PCF11: variants seen among roughly 807,000 people sequenced by gnomAD.
PCF11 encodes pre-mRNA cleavage complex 2 protein Pcf11.
In PCF11, 19 loss-of-function variants were observed where a neutral mutation model predicts 166.1. The observed-to-expected ratio is 0.11, with a 90% CI of 0.08 to 0.17. The LOEUF (loss-of-function observed/expected upper bound fraction) is 0.17. Among genes scored for constraint, PCF11 ranks in the 10% least tolerant of loss-of-function variants. PCF11 has a pLI of 1.00. For missense variants in PCF11, 1,565 were observed against 1,855.5 expected (o/e 0.84, Z 2.88); for synonymous variants, 663 against 644.1 (o/e 1.03, Z -0.44).
intron 1 of PCF11, among the ~76,000 whole-genome samples, chr11:83,159,774 CCTTATT>C (rs1860157518): frequency 2.0e-5 from 3 of 152,124 alleles, no homozygotes; most frequent in Admixed American, 2.0e-4. Context: ...ATGTTTGTGT[CCTTATT>C]CTTTAGCTTC....
chr11:83,157,314 T>C (rs1860027000), exon 1 of PCF11: 1 of 788,882 alleles, frequency 1.3e-6, no homozygotes, highest in Non-Finnish European at 2.0e-6. Context: ...CCCTCCGCGG[T>C]CAGCATGTGG....
chr11:83,165,599 G>T lies in PCF11; in HGVS notation c.703-1G>T. 2 of 1,600,548 alleles carry T rather than the reference G, an allele frequency of 1.2e-6. No individual in the cohort carries two copies. Among genetic ancestry groups the T allele is most frequent in the South Asian group, 1.1e-5 (1 of 88,956 alleles). Reference sequence around the variant, plus strand: ...ACATGAACATTTATTTTGTGTTTTAGGCAGTTTCTCTTAGTGTTCAGCAGG... The same window carrying T: ...ACATGAACATTTATTTTGTGTTTTATGCAGTTTCTCTTAGTGTTCAGCAGG... On this transcript the variant is annotated splice_acceptor_variant, in intron 4 of 15. Coordinates refer to ENST00000298281, the Ensembl canonical transcript of PCF11. LOFTEE classifies it high-confidence loss of function.
At chr11:83,184,935 G>A in exon 16 of PCF11, 1 of 1,381,826 alleles carries the variant, frequency 7.2e-7, no homozygotes, top group South Asian at 1.4e-5. Flanking sequence ...TAAAAAAGCT[G>A]CTGTTGGATC....
rs150185044 is a variant in PCF11 at position 83,157,756 on chromosome 11, C to G, written c.192+125C>G. 9.7e-3 allele frequency: 8,342 copies of G among 856,158 alleles called. 63 individuals carry two copies. The highest frequency in any genetic ancestry group is 0.013 in the Non-Finnish European group (6,842 of 538,468). 53.0% of individuals were successfully genotyped at this position (856,158 alleles called of 1,614,324 possible). On this transcript the variant is annotated intron_variant, in intron 1 of 15. Coordinates refer to ENST00000298281, the Ensembl canonical transcript of PCF11. ...TCCTTCTCTCCAACCCCCCCACCCC[C>G]CTCCAACTCAGGCTCGGTCTTTGGC...
chr11:83,163,964 C>G, intron 3 of PCF11, 97 bp downstream of exon 3: 1 of 592,702 alleles, frequency 1.7e-6, no homozygotes, highest in Non-Finnish European at 2.8e-6. Context: ...ATAGAATACT[C>G]GGTAGTGAAT....
chr11:83,183,139 T>G lies in PCF11; in HGVS notation c.4452+66T>G, dbSNP rs1013332981. The stretch of plus-strand genomic sequence containing the variant: ...TAATAAATTTTACTTTTCAGTTTTT[T>G]TTTTGCATCAGAGCAATATTGTTAT... On this transcript the variant is annotated intron_variant, in intron 15 of 15. Transcript: ENST00000298281. The G allele has an allele frequency of 4.3e-6, 4 of 930,858 alleles. No individual in the cohort carries two copies. The South Asian group carries it at 4.7e-5, about 11-fold the overall frequency. The allele number at this position is 930,858 out of a possible 1,614,324, so 57.7% of individuals were successfully genotyped here.
exon 16 of PCF11, chr11:83,186,342 T>G (rs1208509074): frequency 6.6e-6 from 1 of 152,200 alleles, no homozygotes; most frequent in Non-Finnish European, 1.5e-5. Context: ...AATACTTTTG[T>G]GTTTTCAAAA....
chr11:83,177,325 G>T, intron 10 of PCF11, 121 bp downstream of exon 10: 1 of 755,560 alleles, frequency 1.3e-6, no homozygotes, highest in Non-Finnish European at 1.9e-6. Flanking sequence ...CCTAGGTATA[G>T]CTTTTATTTT....
Position 83,157,326 on chromosome 11 carries a change from G to A in PCF11, c.-114G>A. ...CCCCCCTCCGCGGTCAGCATGTGGT[G>A]AAGCCGGAGCCGCGAGAGAGCCGGG... On this transcript the variant is annotated 5_prime_UTR_variant, in exon 1 of 16. It removes the in-frame stop codon of an upstream open reading frame in the 5' UTR. Coordinates refer to ENST00000298281, the Ensembl canonical transcript of PCF11. 1 of 952,416 alleles carries A rather than the reference G, an allele frequency of 1.0e-6. No individual in the cohort carries two copies. Among genetic ancestry groups the A allele is most frequent in the Non-Finnish European group, 1.6e-6 (1 of 641,776 alleles). 59.0% of individuals were successfully genotyped at this position (952,416 alleles called of 1,614,324 possible). A position where few individuals can be genotyped will look rare whatever the true frequency, so the allele number is the denominator to read the frequency against.
intron 9 of PCF11, among the ~76,000 whole-genome samples, chr11:83,175,068 T>C (rs573848515): frequency 6.6e-6 from 1 of 152,334 alleles, no homozygotes; most frequent in South Asian, 2.1e-4. Flanking sequence ...GAATTTTTAG[T>C]GGTTCAGAAC....
At chr11:83,161,796 T>G (rs1860265503) in intron 2 of PCF11, among the ~76,000 whole-genome samples, 1 of 152,226 alleles carries the variant, frequency 6.6e-6, no homozygotes, top group Non-Finnish European at 1.5e-5. Flanking sequence ...ATTTCATTGT[T>G]TACATTTCTG....
chr11:83,157,774 T>C (rs1347448471), intron 1 of PCF11, 143 bp downstream of exon 1: 1 of 739,056 alleles, frequency 1.4e-6, no homozygotes, highest in African/African-American at 1.8e-5. Flanking sequence ...TCAGGCTCGG[T>C]CTTTGGCCCA....
chr11:83,171,779 A>G (rs1590931160), intron 8 of PCF11, 39 bp from the exon 9 acceptor site: 11 of 1,021,054 alleles, frequency 1.1e-5, no homozygotes, highest in African/African-American at 1.6e-5. Flanking sequence ...TACTTGAAAT[A>G]TAGAAAGCAT....
At chr11:83,158,610 GTT>G (rs1257994640) in intron 1 of PCF11, 1 of 152,194 alleles carries the variant, frequency 6.6e-6, no homozygotes, top group Non-Finnish European at 1.5e-5. Flanking sequence ...GTTACAATGA[GTT>G]TTAATAGCGT....
At chr11:83,171,841 A>C in exon 9 of PCF11, 3 of 1,599,420 alleles carry the variant, frequency 1.9e-6, no homozygotes, top group Non-Finnish European at 2.6e-6. Context: ...TTGCTCAGCC[A>C]GTAGCTTTTG....
At chr11:83,182,333 A>C in intron 13 of PCF11, 66 bp from the exon 14 acceptor site, 1 of 844,648 alleles carries the variant, frequency 1.2e-6, no homozygotes, top group African/African-American at 1.7e-5. Context: ...GTGTTTGTAT[A>C]TTTTTACTTA....
At chr11:83,185,449 TATATA>T (rs1237627609) in exon 16 of PCF11, 1 of 149,776 alleles carries the variant, frequency 6.7e-6, no homozygotes, top group Non-Finnish European at 1.5e-5. Context: ...ATTTTGCAGA[TATATA>T]TATATATATA....
At chr11:83,171,819 T>C in exon 9 of PCF11, 1 of 1,547,900 alleles carries the variant, frequency 6.5e-7, no homozygotes, top group Non-Finnish European at 8.9e-7. Context: ...TTCTTAAAGG[T>C]TCTGAGTGGT....
At chr11:83,179,352 T>C (rs1861003230) in intron 11 of PCF11, among the ~76,000 whole-genome samples, 2 of 151,902 alleles carry the variant, frequency 1.3e-5, no homozygotes, top group South Asian at 4.2e-4. Context: ...CAGGTTCAAG[T>C]GATTCTCCTG....
Sources: allele counts gnomAD v4.1 joint callset (sites outside exome capture counted in the v4.1 genomes callset), GRCh38; gene constraint gnomAD v4.1.1; transcripts MANE v1.5; gene names NCBI Gene and HGNC (gene_info 2026-07-23, HGNC 2026-07-21).